The following WNT7B variants were observed in gnomAD, a reference collection of about 807,000 sequenced individuals.
WNT7B encodes Wnt family member 7B.
Under a neutral mutation model 38.2 loss-of-function variants are expected in WNT7B, and 19 were observed. The observed-to-expected ratio is 0.50, with a 90% CI of 0.35 to 0.73. The LOEUF is 0.73. WNT7B is among the 30% of genes least tolerant of loss of function. The probability of loss-of-function intolerance (pLI) is 0.01; values close to 1 mark genes in which losing one functional copy is unlikely to be tolerated. For missense variants in WNT7B, 423 were observed against 507.9 expected (o/e 0.83, Z 1.61); for synonymous variants, 243 against 209.3 (o/e 1.16, Z -1.39).
intron 1 of WNT7B, chr22:45,972,116 G>GGGGGGCCCCCCCCCCC: frequency 2.3e-5 from 12 of 530,730 alleles, no homozygotes; most frequent in Non-Finnish European, 2.6e-5. Flanking sequence ...CCCGGGGGGA[G>GGGGGGCCCCCCCCCCC]CCCACCCGCC....
chr22:45,942,870 T>TGC (rs1187023356), intron 2 of WNT7B, among the ~76,000 whole-genome samples: 4 of 151,702 alleles, frequency 2.6e-5, no homozygotes, highest in Non-Finnish European at 4.4e-5. Context: ...TGTGTGTGTG[T>TGC]GCGTGTGTGC....
chr22:45,972,116 G>GGGGCCCC, intron 1 of WNT7B: 9 of 530,720 alleles, frequency 1.7e-5, no homozygotes, highest in South Asian at 4.6e-5. Context: ...CCCGGGGGGA[G>GGGGCCCC]CCCACCCGCC....
chr22:45,923,382 G>C (rs764729995), intron 3 of WNT7B, 47 bp from the exon 4 acceptor site: 184 of 1,553,138 alleles, frequency 1.2e-4, no homozygotes, highest in Non-Finnish European at 1.6e-4. Flanking sequence ...CCCAAGCTGG[G>C]CCCCTCTAGG....
Position 45,922,864 on chromosome 22 carries a change from A to C in WNT7B, c.1042T>G (p.Cys348Gly). The change falls in exon 4 of 4, where the codon TGC (cysteine) becomes GGC (glycine). Residue 348 changes from cysteine (C) to glycine (G), a missense_variant. Around this residue, in one of 3 missense-constraint regions of WNT7B, gnomAD observed 158 missense variants for 214.7 expected, o/e 0.74. Coordinates refer to ENST00000339464, the MANE Select transcript of WNT7B (RefSeq NM_058238.3). ...TCSERTEVFT[C>G]K The stretch of plus-strand genomic sequence containing the variant: ...CGCCTCCGGGCCTGGCCTCACTTGC[A>C]GGTGAAGACCTCGGTGCGCTCGCTG... 1 of 1,594,338 alleles carries C rather than the reference A, an allele frequency of 6.3e-7. No homozygotes were observed. The highest frequency in any genetic ancestry group is 1.3e-5 in the African/African-American group (1 of 74,710).
rs775837726 is a variant in WNT7B, at chr22:45,949,883, C to T, written c.298+37G>A. Reference sequence around the variant, plus strand: ...TGGCCTGGCCTACTGCCCCTGGCCACAATGGCTGGGCCCCTTGAGCCCAGA... The same window carrying T: ...TGGCCTGGCCTACTGCCCCTGGCCATAATGGCTGGGCCCCTTGAGCCCAGA... On this transcript the variant is annotated intron_variant, in intron 2 of 3. Transcript: ENST00000339464. 37 of 1,584,626 alleles carry T rather than the reference C, an allele frequency of 2.3e-5. 1 individual carries two copies. In the Middle Eastern group the frequency reaches 2.3e-3, roughly 100 times the overall value.
rs1601710742 is a variant in WNT7B at position 45,920,892 on chromosome 22, T to A, written c.*1964A>T. On this transcript the variant is annotated 3_prime_UTR_variant, in exon 4 of 4. Coordinates refer to ENST00000339464, the MANE Select transcript of WNT7B (RefSeq NM_058238.3). ...TTCCTTGCAGAGGCTGCCGGGCCTA[T>A]GGACTCAGGTGTGTTCTGGGACTTG... 1 of 152,230 alleles carries A rather than the reference T, an allele frequency of 6.6e-6. No homozygotes were observed. The highest frequency in any genetic ancestry group is 1.9e-4 in the East Asian group (1 of 5,170). The allele number at this position is 152,230 out of a possible 1,614,324, so 9.4% of individuals were successfully genotyped here.
At chr22:45,959,697 C>T (rs1428589553) in intron 1 of WNT7B, among the ~76,000 whole-genome samples, 1 of 152,156 alleles carries the variant, frequency 6.6e-6, no homozygotes. Context: ...TGGGTGGACC[C>T]CCGCTCTCCC....
intron 2 of WNT7B, among the ~76,000 whole-genome samples, chr22:45,935,216 G>A (rs925552961): frequency 4.6e-5 from 7 of 152,176 alleles, no homozygotes; most frequent in Non-Finnish European, 8.8e-5. Context: ...CCGGTCCTCT[G>A]CAGTGGGTGC....
chr22:45,942,817 G>A (rs1043733176), intron 2 of WNT7B, among the ~76,000 whole-genome samples: 5 of 152,224 alleles, frequency 3.3e-5, no homozygotes, highest in African/African-American at 1.2e-4. Flanking sequence ...TGGACCCTGG[G>A]CCTCATGGTC....
chr22:45,967,178 G>T (rs570128626), intron 1 of WNT7B, among the ~76,000 whole-genome samples: 2 of 152,198 alleles, frequency 1.3e-5, no homozygotes, highest in African/African-American at 4.8e-5. Context: ...GAGGACAAAC[G>T]GTGGTTTTGT....
intron 3 of WNT7B, chr22:45,927,129 C>T: frequency 1.0e-6 from 1 of 985,476 alleles, no homozygotes; most frequent in Non-Finnish European, 1.2e-6. Flanking sequence ...GTCTTGGGGG[C>T]ATGGCCTCTG....
chr22:45,926,746 C>T (rs566218996), intron 3 of WNT7B: 35 of 985,406 alleles, frequency 3.6e-5, no homozygotes, highest in South Asian at 2.8e-4. Context: ...ACACAGCACA[C>T]GTCTGCTTCA....
chr22:45,971,619 C>T (rs1932441138), intron 1 of WNT7B, among the ~76,000 whole-genome samples: 1 of 152,230 alleles, frequency 6.6e-6, no homozygotes, highest in African/African-American at 2.4e-5. Context: ...GGCTACCCAG[C>T]GCGGCAGGAA....
chr22:45,933,670 G>A (rs1036225606), intron 2 of WNT7B, among the ~76,000 whole-genome samples: 2 of 152,220 alleles, frequency 1.3e-5, no homozygotes, highest in African/African-American at 4.8e-5. Flanking sequence ...CCTCCGTGGA[G>A]TGGAGTCAAG....
chr22:45,934,555 C>G (rs1251002142), intron 2 of WNT7B, among the ~76,000 whole-genome samples: 1 of 152,192 alleles, frequency 6.6e-6, no homozygotes, highest in Non-Finnish European at 1.5e-5. Flanking sequence ...CTGTGACCCT[C>G]CTCTTCCTGC....
intron 1 of WNT7B, among the ~76,000 whole-genome samples, chr22:45,955,253 C>A (rs1319698389): frequency 2.0e-5 from 3 of 152,224 alleles, no homozygotes; most frequent in Non-Finnish European, 4.4e-5. Flanking sequence ...CTGGCCCATG[C>A]CATTCCTTCC....
At position 45,945,300 on chromosome 22, in the gene WNT7B, A is replaced by G. The variant is rs187286997; in HGVS notation, c.298+4620T>C. Reference sequence around the variant, plus strand: ...GCTTCACCACGTTAGGCTGGTCTCAAACTCCTGACTTCAAGTGATCCACCC... The same window carrying G: ...GCTTCACCACGTTAGGCTGGTCTCAGACTCCTGACTTCAAGTGATCCACCC... On this transcript the variant is annotated intron_variant, in intron 2 of 3. Coordinates refer to ENST00000339464, the MANE Select transcript of WNT7B (RefSeq NM_058238.3). Among the ~76,000 whole-genome samples the G allele has an allele frequency of 9.9e-5, 15 of 152,174 alleles. No homozygotes were observed. In the East Asian group the frequency reaches 2.9e-3, roughly 29 times the overall value.
At chr22:45,926,282 C>A (rs903101285) in intron 3 of WNT7B, 2 of 985,268 alleles carry the variant, frequency 2.0e-6, no homozygotes, top group Non-Finnish European at 2.4e-6. Flanking sequence ...CCCCAAGAGA[C>A]CACCTGGCAG....
At chr22:45,964,413 C>A (rs989412208) in intron 1 of WNT7B, among the ~76,000 whole-genome samples, 1 of 152,114 alleles carries the variant, frequency 6.6e-6, no homozygotes, top group Non-Finnish European at 1.5e-5. Context: ...GTGGCCCCTG[C>A]AGGCCAGCCC....
Sources: gnomAD v4.1 joint callset for allele counts (sites outside exome capture counted in the v4.1 genomes callset) on GRCh38, gnomAD v4.1.1 for gene constraint, gnomAD v4.1.1 regional missense constraint, MANE v1.5 for transcripts, NCBI Gene and HGNC (gene_info 2026-07-23, HGNC 2026-07-21) for gene names.